The following RORA variants were observed in gnomAD, a reference collection of about 807,000 sequenced individuals.
RORA encodes RAR related orphan receptor A.
A neutral mutation model predicts 69.5 loss-of-function variants in RORA; 7 were observed. The observed-to-expected ratio is 0.10, with a 90% CI of 0.06 to 0.19. The LOEUF is 0.19. Ranked by LOEUF, RORA falls within the 10% of genes least tolerant of loss-of-function variation. RORA has a pLI of 1.00. For missense variants in RORA, 457 were observed against 663.0 expected (o/e 0.69, Z 3.41); for synonymous variants, 261 against 240.8 (o/e 1.08, Z -0.78).
intron 1 of RORA, among the ~76,000 whole-genome samples, chr15:61,154,365 A>C (rs1403407683): frequency 6.6e-6 from 1 of 152,188 alleles, no homozygotes; most frequent in Non-Finnish European, 1.5e-5. Context: ...CAAGCAGTTC[A>C]CACTAACTCT....
chr15:61,062,733 T>G (rs2078204321), intron 1 of RORA, among the ~76,000 whole-genome samples: 2 of 152,162 alleles, frequency 1.3e-5, no homozygotes, highest in Non-Finnish European at 1.5e-5. Flanking sequence ...CGCTCCCTCC[T>G]CTCCCAACTG....
intron 2 of RORA, among the ~76,000 whole-genome samples, chr15:60,586,064 T>C (rs1398829887): frequency 6.6e-6 from 1 of 152,216 alleles, no homozygotes; most frequent in African/African-American, 2.4e-5. Context: ...TGTAGTATCT[T>C]TGATTTTCCT....
intron 1 of RORA, among the ~76,000 whole-genome samples, chr15:60,932,330 T>C (rs1892397060): frequency 6.6e-6 from 1 of 152,176 alleles, no homozygotes; most frequent in Non-Finnish European, 1.5e-5. Context: ...CGATTAGGGC[T>C]GGGTCATTCT....
intron 1 of RORA, among the ~76,000 whole-genome samples, chr15:60,922,586 G>C (rs1478151081): frequency 6.6e-6 from 1 of 152,048 alleles, no homozygotes; most frequent in Admixed American, 6.5e-5. Flanking sequence ...CAACTGTTTT[G>C]CTCAAATCAA....
Position 60,516,190 on chromosome 15 carries a change from T to TTAA in RORA, c.283-1434_283-1433insTTA, listed in dbSNP as rs1567052380. ...ATATATATTTATATATATATTTATATATATATTTATATATATATTTATATA... is the reference window on the plus strand; with the variant it reads ...ATATATATTTATATATATATTTATATTAAATATATTTATATATATATTTATATA... On this transcript the variant is annotated intron_variant, in intron 3 of 10. Coordinates refer to ENST00000335670, the MANE Select transcript of RORA (RefSeq NM_134261.3). 2.5e-4 allele frequency among the ~76,000 whole-genome samples: 4 copies of TTAA among 15,772 alleles called. 1 individual carries two copies. The highest frequency in any genetic ancestry group is 3.2e-4 in the Non-Finnish European group (3 of 9,478). The allele number at this position is 15,772 out of a possible 152,430, so 10.3% of individuals were successfully genotyped here. A position where few individuals can be genotyped will look rare whatever the true frequency, so the allele number is the denominator to read the frequency against.
At chr15:60,671,124 C>T (rs1464201830) in intron 2 of RORA, among the ~76,000 whole-genome samples, 1 of 136,128 alleles carries the variant, frequency 7.3e-6, no homozygotes, top group Non-Finnish European at 1.5e-5. Context: ...CTGTTAGCTT[C>T]CAGGGTTTTT....
At chr15:60,816,645 T>A (rs948546464) in intron 1 of RORA, among the ~76,000 whole-genome samples, 1 of 150,872 alleles carries the variant, frequency 6.6e-6, no homozygotes, top group Non-Finnish European at 1.5e-5. Context: ...AATGATGAGT[T>A]AAAGGGTGCA....
intron 2 of RORA, among the ~76,000 whole-genome samples, chr15:60,590,833 C>A (rs2068481136): frequency 6.6e-6 from 1 of 152,166 alleles, no homozygotes; most frequent in Non-Finnish European, 1.5e-5. Context: ...ATATGAATTA[C>A]ATATTCTAAA....
At chr15:60,556,563 T>C (rs979401446) in intron 2 of RORA, among the ~76,000 whole-genome samples, 2 of 152,184 alleles carry the variant, frequency 1.3e-5, no homozygotes, top group African/African-American at 4.8e-5. Context: ...GCTATTTTCT[T>C]AGTTCTCGTG....
At chr15:61,157,899 T>C (rs1256227863) in intron 1 of RORA, among the ~76,000 whole-genome samples, 2 of 152,062 alleles carry the variant, frequency 1.3e-5, no homozygotes, top group East Asian at 1.9e-4. Flanking sequence ...TAAAATTCCA[T>C]AATATGCAAA....
chr15:60,838,883 CACACATAT>C (rs1567209343), intron 1 of RORA, among the ~76,000 whole-genome samples: 35 of 106,338 alleles, frequency 3.3e-4, no homozygotes, highest in East Asian at 7.1e-4. Context: ...CACACACACA[CACACATAT>C]ACTTTTTTTT....
At chr15:61,084,965 C>A (rs1040127428) in intron 1 of RORA, among the ~76,000 whole-genome samples, 2 of 152,032 alleles carry the variant, frequency 1.3e-5, no homozygotes, top group Non-Finnish European at 2.9e-5. Flanking sequence ...GACTCTTAAT[C>A]CTCAACCATA....
chr15:60,856,490 C>CTTTTTT (rs34150883), intron 1 of RORA, among the ~76,000 whole-genome samples: 1 of 148,680 alleles, frequency 6.7e-6, no homozygotes, highest in Non-Finnish European at 1.5e-5. Flanking sequence ...AATCACTGAC[C>CTTTTTT]TTTTTTTTTT....
chr15:60,605,485 T>C (rs1334350638), intron 2 of RORA, among the ~76,000 whole-genome samples: 1 of 152,296 alleles, frequency 6.6e-6, no homozygotes, highest in South Asian at 2.1e-4. Context: ...AACAACATAA[T>C]CTAAATGTTA....
intron 1 of RORA, among the ~76,000 whole-genome samples, chr15:60,921,668 T>C (rs937711176): frequency 6.6e-6 from 1 of 152,212 alleles, no homozygotes; most frequent in African/African-American, 2.4e-5. Context: ...GTATGTGTTA[T>C]GCTCCAATAC....
At chr15:61,004,624 T>C (rs1894855363) in intron 1 of RORA, among the ~76,000 whole-genome samples, 2 of 152,120 alleles carry the variant, frequency 1.3e-5, no homozygotes, top group Non-Finnish European at 2.9e-5. Context: ...TGATTAAACC[T>C]CTTACACATA....
chr15:60,640,929 G>GA (rs996962169), intron 2 of RORA, among the ~76,000 whole-genome samples: 15 of 151,772 alleles, frequency 9.9e-5, no homozygotes, highest in African/African-American at 3.6e-4. Flanking sequence ...TGAGCTCCAG[G>GA]AAAAAAGGGG....
intron 1 of RORA, among the ~76,000 whole-genome samples, chr15:60,967,727 G>A (rs920755156): frequency 2.0e-5 from 3 of 152,152 alleles, no homozygotes; most frequent in Non-Finnish European, 4.4e-5. Context: ...GTTCATCAAC[G>A]TATTTATGTG....
intron 1 of RORA, among the ~76,000 whole-genome samples, chr15:60,838,975 G>A (rs552265581): frequency 4.3e-4 from 64 of 150,546 alleles, no homozygotes; most frequent in South Asian, 4.2e-4. Context: ...TGCAAGCTCC[G>A]CCTCCTGGGT....
Sources: gnomAD v4.1 joint callset for allele counts (sites outside exome capture counted in the v4.1 genomes callset) on GRCh38, gnomAD v4.1.1 for gene constraint, MANE v1.5 for transcripts, NCBI Gene and HGNC (gene_info 2026-07-23, HGNC 2026-07-21) for gene names.